Variants in RANBP2 observed in about 807,000 individuals in gnomAD.
RANBP2 encodes the protein E3 SUMO-protein ligase RanBP2.
A neutral mutation model predicts 303.6 loss-of-function variants in RANBP2; 57 were observed. The ratio of observed to expected loss-of-function variants is 0.19; its 90% CI spans 0.15 to 0.23. The LOEUF is 0.23. Among genes scored for constraint, RANBP2 ranks in the 10% least tolerant of loss-of-function variants. The pLI is 1.00. For missense variants in RANBP2, 3,138 were observed against 3,780.8 expected, an observed-to-expected ratio of 0.83 and a Z score of 4.46; for synonymous variants, 1,167 against 1,301.5, an observed-to-expected ratio of 0.90 and a Z score of 2.23.
At chr2:108,959,647 C>T in the RANBP2 span, among the ~76,000 whole-genome samples, 6 of 151,956 alleles carry the variant, frequency 3.9e-5, no homozygotes, top group South Asian at 2.1e-4. Context: ...CTGTGGCATG[C>T]GCCCTGGGAC....
At chr2:109,127,614 G>A in the RANBP2 span, 3 of 152,246 alleles carry the variant, frequency 2.0e-5, no homozygotes, top group Admixed American at 6.5e-5. Flanking sequence ...TGAAGATGAG[G>A]TTGGAGGATC....
the RANBP2 span, chr2:109,449,455 C>T: frequency 2.3e-4 from 373 of 1,613,894 alleles, no homozygotes; most frequent in Non-Finnish European, 3.0e-4. Flanking sequence ...CCCACCAACA[C>T]GGGATGCAAA....
the RANBP2 span, among the ~76,000 whole-genome samples, chr2:108,903,312 T>C: frequency 6.6e-6 from 1 of 152,168 alleles, no homozygotes; most frequent in African/African-American, 2.4e-5. Flanking sequence ...ATGTCAAATC[T>C]TCCCAGATTG....
At chr2:109,269,683 G>T in the RANBP2 span, among the ~76,000 whole-genome samples, 1 of 152,140 alleles carries the variant, frequency 6.6e-6, no homozygotes, top group Admixed American at 6.5e-5. Flanking sequence ...GGAGGCTGAG[G>T]CACGAGATTT....
chr2:108,824,587 T>C, the RANBP2 span, among the ~76,000 whole-genome samples: 1 of 152,238 alleles, frequency 6.6e-6, no homozygotes, highest in Non-Finnish European at 1.5e-5. Flanking sequence ...GAGGCTGTTT[T>C]ACATTTAACT....
At chr2:109,685,950 G>A in the RANBP2 span, among the ~76,000 whole-genome samples, 35,460 of 152,148 alleles carry the variant, frequency 0.23, 4,627 homozygotes, top group Admixed American at 0.29. Context: ...TAAACCACGA[G>A]GGAAGATATA....
the RANBP2 span, among the ~76,000 whole-genome samples, chr2:109,367,119 A>ATTTT: frequency 0.1 from 11,444 of 113,080 alleles, 645 homozygotes; most frequent in Middle Eastern, 0.15. Flanking sequence ...TGCCCTGGTA[A>ATTTT]TTTTTTTTTT....
At chr2:109,469,148 T>C in the RANBP2 span, among the ~76,000 whole-genome samples, 1 of 152,150 alleles carries the variant, frequency 6.6e-6, no homozygotes, top group Non-Finnish European at 1.5e-5. Flanking sequence ...ACCCCAAGAA[T>C]GCGGGCCCCC....
chr2:109,312,274 C>G, the RANBP2 span, among the ~76,000 whole-genome samples: 2 of 152,112 alleles, frequency 1.3e-5, no homozygotes, highest in African/African-American at 2.4e-5. Flanking sequence ...TGAGTCCTGC[C>G]CACTTTTCTT....
chr2:109,650,645 A>C, the RANBP2 span, among the ~76,000 whole-genome samples: 1 of 152,172 alleles, frequency 6.6e-6, no homozygotes, highest in African/African-American at 2.4e-5. Context: ...AGATCATTGA[A>C]TCATGGGCGG....
the RANBP2 span, among the ~76,000 whole-genome samples, chr2:109,705,607 G>A: frequency 1.3e-5 from 2 of 152,198 alleles, no homozygotes; most frequent in Non-Finnish European, 2.9e-5. Context: ...GTTCCATCCA[G>A]CTCAAGCTCT....
At chr2:109,424,248 C>A in the RANBP2 span, among the ~76,000 whole-genome samples, 1 of 152,132 alleles carries the variant, frequency 6.6e-6, no homozygotes, top group Non-Finnish European at 1.5e-5. Flanking sequence ...CCAGCGCTGG[C>A]TTCAGGCTGC....
the RANBP2 span, among the ~76,000 whole-genome samples, chr2:109,086,024 C>G: frequency 6.6e-6 from 1 of 152,200 alleles, no homozygotes; most frequent in African/African-American, 2.4e-5. Flanking sequence ...GGAATCATAC[C>G]ATATTTGTCC....
At chr2:108,979,464 C>CTG in the RANBP2 span, among the ~76,000 whole-genome samples, 2 of 139,678 alleles carry the variant, frequency 1.4e-5, no homozygotes, top group Non-Finnish European at 1.5e-5. Flanking sequence ...GTCTCTCTCT[C>CTG]TCTCACACAC....
At chr2:108,969,867 G>A in the RANBP2 span, among the ~76,000 whole-genome samples, 1 of 152,330 alleles carries the variant, frequency 6.6e-6, no homozygotes, top group East Asian at 1.9e-4. Flanking sequence ...GATCCAAAAA[G>A]GGGTGAAAGA....
At chr2:108,772,352 AAG>A in intron 21 of RANBP2, 135 bp from the exon 22 acceptor site, 2 of 649,682 alleles carry the variant, frequency 3.1e-6, no homozygotes, top group Non-Finnish European at 5.4e-6. Flanking sequence ...CTCTAGCAGA[AAG>A]AGAGGTATTA....
the RANBP2 span, among the ~76,000 whole-genome samples, chr2:109,038,907 CA>C: frequency 6.6e-6 from 1 of 152,158 alleles, no homozygotes; most frequent in African/African-American, 2.4e-5. Context: ...TTTTAATTTG[CA>C]TTTTTCCATT....
At chr2:109,523,284 G>A in the RANBP2 span, among the ~76,000 whole-genome samples, 8 of 152,292 alleles carry the variant, frequency 5.3e-5, no homozygotes, top group African/African-American at 1.9e-4. Flanking sequence ...CCCACACCTA[G>A]GGGAAGTGAC....
the RANBP2 span, among the ~76,000 whole-genome samples, chr2:108,927,920 A>G: frequency 6.6e-6 from 1 of 151,958 alleles, no homozygotes; most frequent in South Asian, 2.1e-4. Context: ...TCCCCTTCTG[A>G]GTGCCATCTG....
Sources: allele counts gnomAD v4.1 joint callset (sites outside exome capture counted in the v4.1 genomes callset), GRCh38; gene constraint gnomAD v4.1.1; transcripts MANE v1.5; gene names NCBI Gene and HGNC (gene_info 2026-07-23, HGNC 2026-07-21).